Variants in EFCAB13 observed in about 807,000 individuals in gnomAD.
EFCAB13 encodes EF-hand calcium binding domain 13, also known as EF-hand calcium-binding domain-containing protein 13.
A neutral mutation model predicts 110.2 loss-of-function variants in EFCAB13; 91 were observed. The ratio of observed to expected loss-of-function variants is 0.83; its 90% CI spans 0.70 to 0.98. EFCAB13 has a LOEUF of 0.98. Among genes scored for constraint, EFCAB13 ranks in the 50% least tolerant of loss-of-function variants. The pLI is 0.00. For missense variants in EFCAB13, 968 were observed against 1,119.4 expected, an observed-to-expected ratio of 0.86 and a Z score of 1.93; for synonymous variants, 323 against 369.9, an observed-to-expected ratio of 0.87 and a Z score of 1.45.
chr17:47,430,819 A>C (rs888490062), intron 24 of EFCAB13: 2 of 152,096 alleles, frequency 1.3e-5, no homozygotes, highest in Non-Finnish European at 2.9e-5. Context: ...AATCTTTTAA[A>C]AAATTCAACC....
At chr17:47,396,444 A>C (rs1021568635) in intron 17 of EFCAB13, among the ~76,000 whole-genome samples, 1 of 152,176 alleles carries the variant, frequency 6.6e-6, no homozygotes, top group African/African-American at 2.4e-5. Context: ...AATAAAAACA[A>C]AGTTCAAAAA....
intron 14 of EFCAB13, among the ~76,000 whole-genome samples, chr17:47,379,799 A>G (rs1192136174): frequency 1.3e-5 from 2 of 152,188 alleles, no homozygotes; most frequent in African/African-American, 4.8e-5. Flanking sequence ...ATGAGAAACG[A>G]AAGATATTAA....
At chr17:47,325,944 A>ATATATG (rs763510256) in intron 2 of EFCAB13, among the ~76,000 whole-genome samples, 1 of 103,570 alleles carries the variant, frequency 9.7e-6, no homozygotes, top group Non-Finnish European at 1.9e-5. Flanking sequence ...ATATATATAT[A>ATATATG]TATATATATA....
At chr17:47,395,750 A>C in intron 16 of EFCAB13, 84 bp from the exon 17 acceptor site, 1 of 1,221,138 alleles carries the variant, frequency 8.2e-7, no homozygotes, top group Non-Finnish European at 1.1e-6. Flanking sequence ...AAAAACCTTA[A>C]TTTTTGTCTA....
At chr17:47,430,925 CTGA>C in intron 24 of EFCAB13, among the ~76,000 whole-genome samples, 1 of 152,124 alleles carries the variant, frequency 6.6e-6, no homozygotes, top group Non-Finnish European at 1.5e-5. Flanking sequence ...AGCCAAAAGG[CTGA>C]TAAGTGATTA....
rs557650646 is a variant in EFCAB13, at chr17:47,434,281, G to A, written c.2638+4320G>A. ...ACCAACAATGACCAAGCTGAGAATCGAATCAAGAACTCAATCCCCTTCACA... is the reference window on the plus strand; with the variant it reads ...ACCAACAATGACCAAGCTGAGAATCAAATCAAGAACTCAATCCCCTTCACA... On this transcript the variant is annotated intron_variant, in intron 24 of 24. Coordinates refer to ENST00000331493, the MANE Select transcript of EFCAB13 (RefSeq NM_152347.5). Among the ~76,000 whole-genome samples, 15 of 150,638 alleles carry A rather than the reference G, an allele frequency of 1.0e-4. No homozygotes were observed. In the South Asian group the frequency reaches 3.1e-3, roughly 31 times the overall value.
intron 15 of EFCAB13, 150 bp downstream of exon 15, chr17:47,391,730 A>G (rs536669930): frequency 6.3e-6 from 4 of 635,300 alleles, no homozygotes; most frequent in African/African-American, 5.8e-5. Context: ...CAAAAGTACA[A>G]GAAAACACTC....
chr17:47,422,615 C>G (rs1382981566), intron 23 of EFCAB13, among the ~76,000 whole-genome samples: 1 of 151,738 alleles, frequency 6.6e-6, no homozygotes, highest in African/African-American at 2.4e-5. Context: ...TTGCCACAAA[C>G]AATTATAAAA....
chr17:47,418,447 G>T (rs1323838054), intron 23 of EFCAB13, among the ~76,000 whole-genome samples: 1 of 152,012 alleles, frequency 6.6e-6, no homozygotes, highest in African/African-American at 2.4e-5. Context: ...GCTTTTTATT[G>T]TTGAGTTTTA....
chr17:47,327,181 G>T (rs1274354427), intron 3 of EFCAB13, among the ~76,000 whole-genome samples: 1 of 150,462 alleles, frequency 6.6e-6, no homozygotes, highest in East Asian at 2.0e-4. Context: ...CTTTTGTTTT[G>T]TTTTTTTTGA....
At chr17:47,373,047 C>T (rs2143355942) in intron 11 of EFCAB13, among the ~76,000 whole-genome samples, 1 of 152,166 alleles carries the variant, frequency 6.6e-6, no homozygotes, top group South Asian at 2.1e-4. Context: ...ACTCTTATAA[C>T]TTGACTATTT....
At chr17:47,401,835 GGGGTTTCACCATATTGGTCAGGAT>G (rs1028395636) in intron 17 of EFCAB13, among the ~76,000 whole-genome samples, 26 of 151,844 alleles carry the variant, frequency 1.7e-4, no homozygotes, top group Admixed American at 1.1e-3. Context: ...TAGTAGAGAT[GGGGTTTCACCATATTGGTCAGGAT>G]GGTCTTGAAC....
intron 20 of EFCAB13, among the ~76,000 whole-genome samples, chr17:47,407,881 C>T (rs2065813458): frequency 6.6e-6 from 1 of 151,962 alleles, no homozygotes; most frequent in South Asian, 2.1e-4. Context: ...TTATTTAAGT[C>T]TTAATACTTG....
At chr17:47,333,906 G>T (rs542893204) in intron 4 of EFCAB13, among the ~76,000 whole-genome samples, 1 of 152,088 alleles carries the variant, frequency 6.6e-6, no homozygotes, top group Non-Finnish European at 1.5e-5. Flanking sequence ...GCTTAAGATT[G>T]CTTTGGCTAT....
chr17:47,395,964 A>C lies in EFCAB13; in HGVS notation c.1932A>C (p.Leu644=). 6.2e-7 allele frequency: 1 copy of C among 1,606,936 alleles called. No individual in the cohort carries two copies. The highest frequency in any genetic ancestry group is 8.5e-7 in the Non-Finnish European group (1 of 1,175,828). Residue 644 remains leucine, a synonymous_variant, in exon 17 of 25, where the codon CTA becomes CTC. Transcript: ENST00000331493. ...KKDEFLAALE[L]VTVDEGDKVQ... ...ATGAATTTCTAGCTGCATTGGAACT[A>C]GTGACAGTTGATGGTGAGTGTTACA...
chr17:47,397,271 C>T (rs2065745312), intron 17 of EFCAB13, among the ~76,000 whole-genome samples: 1 of 152,206 alleles, frequency 6.6e-6, no homozygotes, highest in South Asian at 2.1e-4. Context: ...GCCTCGGCCT[C>T]CCGGGGTGCC....
chr17:47,377,812 A>G lies in EFCAB13; in HGVS notation c.1419A>G (p.Ala473=), dbSNP rs1431362095. The G allele has an allele frequency of 1.9e-6, 3 of 1,591,422 alleles. No homozygotes were observed. Among genetic ancestry groups the G allele is most frequent in the Non-Finnish European group, 2.6e-6 (3 of 1,174,398 alleles). ...AISKLQENYI[A]AEELQSILPS... ...GTAAACTTCAAGAAAATTACATTGC[A>G]GCAGAAGAACTTCAGTCTATTTTGC... Residue 473 remains alanine, a synonymous_variant, in exon 13 of 25, where the codon GCA becomes GCG. Coordinates refer to ENST00000331493, the MANE Select transcript of EFCAB13 (RefSeq NM_152347.5).
chr17:47,420,879 G>A (rs562779890), intron 23 of EFCAB13, among the ~76,000 whole-genome samples: 790 of 53,552 alleles, frequency 0.015, 10 homozygotes, highest in African/African-American at 0.043. Flanking sequence ...TCAGCCCCCC[G>A]CCCGGCCAGC....
chr17:47,412,725 T>C (rs373640478), intron 21 of EFCAB13, 48 bp from the exon 22 acceptor site: 7 of 1,510,366 alleles, frequency 4.6e-6, no homozygotes, highest in Non-Finnish European at 6.2e-6. Flanking sequence ...ACAAATTATT[T>C]TGAATGTTTT....
Sources: allele counts gnomAD v4.1 joint callset (sites outside exome capture counted in the v4.1 genomes callset), GRCh38; gene constraint gnomAD v4.1.1; transcripts MANE v1.5; gene names NCBI Gene and HGNC (gene_info 2026-07-23, HGNC 2026-07-21).